Variants in CUL3 observed in about 807,000 individuals in gnomAD.
CUL3 encodes the protein cullin-3.
A neutral mutation model predicts 89.1 loss-of-function variants in CUL3; 19 were observed. That is an observed-to-expected ratio of 0.21 (90% confidence interval 0.15 to 0.31). The LOEUF (loss-of-function observed/expected upper bound fraction) is 0.31. Ranked by LOEUF, CUL3 falls within the 10% of genes least tolerant of loss-of-function variation. The probability of loss-of-function intolerance (pLI) is 1.00; values close to 1 mark genes in which losing one functional copy is unlikely to be tolerated. For synonymous variants in CUL3, 351 were observed against 308.4 expected, an observed-to-expected ratio of 1.14 and a Z score of -1.45; for missense variants, 469 against 942.3, an observed-to-expected ratio of 0.50 and a Z score of 6.58.
At chr2:224,548,879 G>A (rs897314317) in intron 2 of CUL3, among the ~76,000 whole-genome samples, 19 of 151,574 alleles carry the variant, frequency 1.3e-4, no homozygotes, top group South Asian at 6.3e-4. Flanking sequence ...GGCACGTGCC[G>A]GTAGCCCAGC....
intron 2 of CUL3, among the ~76,000 whole-genome samples, chr2:224,552,427 A>T (rs1263921102): frequency 1.3e-5 from 2 of 152,204 alleles, no homozygotes; most frequent in African/African-American, 2.4e-5. Flanking sequence ...GAGACAAGAA[A>T]AATAATATCC....
intron 13 of CUL3, 142 bp from the exon 14 acceptor site, chr2:224,482,220 T>C (rs1351823371): frequency 1.8e-6 from 1 of 552,038 alleles, no homozygotes; most frequent in Non-Finnish European, 3.1e-6. Flanking sequence ...TCTTGAGTAC[T>C]ATGACACATC....
chr2:224,510,899 AT>A (rs1366857261), intron 6 of CUL3, among the ~76,000 whole-genome samples: 1 of 152,186 alleles, frequency 6.6e-6, no homozygotes, highest in Non-Finnish European at 1.5e-5. Context: ...AGACACAAAT[AT>A]TTTTGCATTT....
intron 2 of CUL3, chr2:224,556,525 T>G (rs933287746): frequency 6.6e-6 from 1 of 152,080 alleles, no homozygotes; most frequent in Non-Finnish European, 1.5e-5. Context: ...TTCAAATATG[T>G]CAATGTGCTG....
chr2:224,557,281 T>C (rs979355443), intron 2 of CUL3, among the ~76,000 whole-genome samples: 21 of 152,236 alleles, frequency 1.4e-4, no homozygotes, highest in Admixed American at 6.5e-4. Flanking sequence ...CTTAGAAATA[T>C]ATTTTAAACA....
In CUL3 at chr2:224,503,112, G is replaced by T. The variant is rs756871978; in HGVS notation, c.1378-40C>A. The T allele has an allele frequency of 5.1e-6, 6 of 1,176,712 alleles. No individual in the cohort carries two copies. In the South Asian group the frequency reaches 7.5e-5, roughly 15 times the overall value. The allele number at this position is 1,176,712 out of a possible 1,614,324, so 72.9% of individuals were successfully genotyped here. A position where few individuals can be genotyped will look rare whatever the true frequency, so the allele number is the denominator to read the frequency against. On this transcript the variant is annotated intron_variant, in intron 9 of 15. Transcript: ENST00000264414. Reference sequence around the variant, plus strand: ...CACAAATATACACAAATAAATGGTAGATGTTTCTATGAGAAAGTACAGAAA... The same window carrying T: ...CACAAATATACACAAATAAATGGTATATGTTTCTATGAGAAAGTACAGAAA...
chr2:224,568,975 A>C (rs982630306), intron 1 of CUL3, among the ~76,000 whole-genome samples: 1 of 152,146 alleles, frequency 6.6e-6, no homozygotes, highest in African/African-American at 2.4e-5. Flanking sequence ...CTACTGAAAA[A>C]TTTTTTAAAT....
chr2:224,503,774 A>G lies in CUL3; in HGVS notation c.1255T>C (p.Phe419Leu). 1 of 1,604,228 alleles carries G rather than the reference A, an allele frequency of 6.2e-7. No homozygotes were observed. The highest frequency in any genetic ancestry group is 8.5e-7 in the Non-Finnish European group (1 of 1,176,928). ...ETILDKAMVL[F>L]RFMQEKDVFE... ...ACATCTTTTTCTTGCATAAACCTAA[A>G]AAGGACCATTGCTTTATCCAATATT... The change falls in exon 9 of 16, where the codon TTT (phenylalanine) becomes CTT (leucine). Residue 419 changes from phenylalanine to leucine, a missense_variant. Physicochemically the swap from Phe to Leu is conservative, Grantham distance 22 (BLOSUM62 0). This residue lies in a region of CUL3 where 370 missense variants were observed against 733.2 expected (regional missense o/e 0.50). Transcript: ENST00000264414.
At chr2:224,500,634 T>C in intron 10 of CUL3, 147 bp from the exon 11 acceptor site, 2 of 782,482 alleles carry the variant, frequency 2.6e-6, no homozygotes, top group Non-Finnish European at 1.9e-6. Flanking sequence ...TTTCTTTTTT[T>C]TTTTTTTTTT....
At chr2:224,526,472 GC>G (rs1261920046) in intron 3 of CUL3, among the ~76,000 whole-genome samples, 1 of 151,042 alleles carries the variant, frequency 6.6e-6, no homozygotes, top group Non-Finnish European at 1.5e-5. Flanking sequence ...TGTAATCCCA[GC>G]TACTCGGGAG....
At chr2:224,581,508 CTT>C (rs1260830752) in intron 1 of CUL3, among the ~76,000 whole-genome samples, 8 of 138,782 alleles carry the variant, frequency 5.8e-5, no homozygotes, top group Non-Finnish European at 7.9e-5. Context: ...TTTTTCTTTT[CTT>C]TTTTTTTTTT....
At chr2:224,506,350 T>C (rs1347025639) in intron 7 of CUL3, among the ~76,000 whole-genome samples, 19 of 152,154 alleles carry the variant, frequency 1.2e-4, no homozygotes. Context: ...ATTAATACAA[T>C]GCAAACGAAC....
intron 1 of CUL3, among the ~76,000 whole-genome samples, chr2:224,579,615 C>T (rs559125617): frequency 1.1e-4 from 16 of 152,240 alleles, no homozygotes; most frequent in Non-Finnish European, 2.1e-4. Flanking sequence ...ACAATCACTT[C>T]CAAACAGTTG....
Position 224,500,403 on chromosome 2 carries a change from T to A in CUL3, c.1570A>T (p.Ile524Phe). The A allele has an allele frequency of 6.2e-7, 1 of 1,614,158 alleles. No homozygotes were observed. The highest frequency in any genetic ancestry group is 8.5e-7 in the Non-Finnish European group (1 of 1,179,992). Reference protein sequence around the residue: ...PTQSATPKCNIPPAPRHAFEI... With the variant: ...PTQSATPKCNFPPAPRHAFEI... ...AAAGCATGTCTTGGTGCTGGTGGGA[T>A]GTTGCACTTTGGTGTGGCTGACTGA... The change falls in exon 11 of 16, where the codon ATC (isoleucine) becomes TTC (phenylalanine). Residue 524 changes from isoleucine (I) to phenylalanine (F), a missense_variant. Coordinates refer to ENST00000264414, the MANE Select transcript of CUL3 (RefSeq NM_003590.5).
At chr2:224,476,248 C>G (rs533756863) in intron 15 of CUL3, among the ~76,000 whole-genome samples, 1 of 152,116 alleles carries the variant, frequency 6.6e-6, no homozygotes, top group South Asian at 2.1e-4. Context: ...AACTCCTGAC[C>G]GCAGGTGATC....
intron 1 of CUL3, among the ~76,000 whole-genome samples, chr2:224,576,282 G>A (rs996079816): frequency 7.9e-5 from 12 of 152,184 alleles, no homozygotes; most frequent in African/African-American, 2.7e-4. Flanking sequence ...CAGTCATGGT[G>A]GAGGAAGTGA....
Position 224,568,366 on chromosome 2 carries a change from C to T in CUL3, c.67-10510G>A, listed in dbSNP as rs967365907. ...GCTGAATTATCTGTTCATGCATCTT[C>T]CTCCACTAGACTATGAGCTTAAGAG... On this transcript the variant is annotated intron_variant, in intron 1 of 15. Coordinates refer to ENST00000264414, the MANE Select transcript of CUL3 (RefSeq NM_003590.5). Among the ~76,000 whole-genome samples the T allele has an allele frequency of 2.6e-5, 4 of 152,234 alleles. No individual in the cohort carries two copies. The South Asian group carries it at 6.2e-4, about 24-fold the overall frequency.
intron 1 of CUL3, among the ~76,000 whole-genome samples, chr2:224,570,042 T>C (rs1272073451): frequency 6.6e-6 from 1 of 151,258 alleles, no homozygotes; most frequent in Non-Finnish European, 1.5e-5. Flanking sequence ...AAACTATTAA[T>C]TACATAAGGA....
chr2:224,555,129 T>TA (rs1343128858), intron 2 of CUL3, among the ~76,000 whole-genome samples: 1 of 152,180 alleles, frequency 6.6e-6, no homozygotes, highest in African/African-American at 2.4e-5. Flanking sequence ...GGCATCTTAC[T>TA]ATGATCTCAC....
Sources: gnomAD v4.1 joint callset for allele counts (sites outside exome capture counted in the v4.1 genomes callset) on GRCh38, gnomAD v4.1.1 for gene constraint, gnomAD v4.1.1 regional missense constraint, MANE v1.5 for transcripts, NCBI Gene and HGNC (gene_info 2026-07-23, HGNC 2026-07-21) for gene names.